Variants in MGST1 observed in about 807,000 individuals in gnomAD.
MGST1 encodes glutathione S-transferase 12.
A neutral mutation model predicts 8.9 loss-of-function variants in MGST1; 5 were observed. That is an observed-to-expected ratio of 0.56 (90% CI 0.29 to 1.19). MGST1 has a LOEUF of 1.19. Among genes scored for constraint, MGST1 ranks in the 50% most tolerant of loss-of-function variants. The probability of loss-of-function intolerance (pLI) is 0.08; values close to 1 mark genes in which losing one functional copy is unlikely to be tolerated. For synonymous variants in MGST1, 54 were observed against 67.8 expected, an observed-to-expected ratio of 0.80 and a Z score of 1.00; for missense variants, 182 against 187.4, an observed-to-expected ratio of 0.97 and a Z score of 0.17.
chr12:16,485,052 A>G (rs1421337120), intron 4 of MGST1, among the ~76,000 whole-genome samples: 1 of 152,190 alleles, frequency 6.6e-6, no homozygotes, highest in Non-Finnish European at 1.5e-5. Flanking sequence ...TGCAGAACTC[A>G]ATCCCATAGT....
At chr12:16,422,572 A>G (rs1461975827) in intron 1 of MGST1, among the ~76,000 whole-genome samples, 1 of 152,114 alleles carries the variant, frequency 6.6e-6, no homozygotes, top group African/African-American at 2.4e-5. Flanking sequence ...CCTGCTTGCA[A>G]TGTACTTGTT....
chr12:16,423,797 A>G lies in MGST1; in HGVS notation n.779-13591A>G, dbSNP rs146506610. Among the ~76,000 whole-genome samples, 480 of 152,274 alleles carry G rather than the reference A, an allele frequency of 3.2e-3. 1 individual carries two copies. The highest frequency in any genetic ancestry group is 0.011 in the African/African-American group (462 of 41,550). On this transcript the variant is annotated intron_variant and non_coding_transcript_variant, in intron 1 of 1. Transcript: ENST00000359720. The stretch of plus-strand genomic sequence containing the variant: ...ACCAGATCTAAGGTAAGTCAATTCT[A>G]TGCTCCCTCAATTCACAGAAAGTTG...
intron 4 of MGST1, among the ~76,000 whole-genome samples, chr12:16,524,508 A>G (rs1941669907): frequency 1.3e-5 from 2 of 152,216 alleles, no homozygotes; most frequent in Admixed American, 6.5e-5. Context: ...ATGTCTATAA[A>G]GAGAAGTTCC....
At chr12:16,580,088 G>T (rs1469784511) in intron 4 of MGST1, among the ~76,000 whole-genome samples, 3 of 152,102 alleles carry the variant, frequency 2.0e-5, no homozygotes, top group Non-Finnish European at 4.4e-5. Flanking sequence ...TATACAATAT[G>T]ATATCATTTA....
At chr12:16,431,669 T>A (rs1385597458) in intron 1 of MGST1, among the ~76,000 whole-genome samples, 2 of 152,074 alleles carry the variant, frequency 1.3e-5, no homozygotes, top group Non-Finnish European at 2.9e-5. Context: ...TAATCACAGA[T>A]CACAGCAGAT....
intron 4 of MGST1, among the ~76,000 whole-genome samples, chr12:16,569,609 GA>G (rs1435641612): frequency 6.6e-6 from 1 of 152,136 alleles, no homozygotes; most frequent in Non-Finnish European, 1.5e-5. Flanking sequence ...CTTAACATTT[GA>G]TGAGAAAAAT....
At chr12:16,487,252 C>T (rs1230221088) in intron 4 of MGST1, among the ~76,000 whole-genome samples, 1 of 152,102 alleles carries the variant, frequency 6.6e-6, no homozygotes. Context: ...TAAAAGAAAT[C>T]CCATTAGGTT....
In MGST1 at chr12:16,362,977, A is replaced by G. The variant is rs914452359; in HGVS notation, c.222-818A>G. On this transcript the variant is annotated intron_variant, in intron 3 of 3. Transcript: ENST00000396210. This position sits in a 1 kb window ranked among gnomAD's most constrained non-coding sequence, Gnocchi z 4.4. The stretch of plus-strand genomic sequence containing the variant: ...GACAACAATAATAATAAAAATGTCA[A>G]GTCCATAGTAGATGTGTTTTGTATT... 1 of 152,162 alleles carries G rather than the reference A, an allele frequency of 6.6e-6. No homozygotes were observed. Among genetic ancestry groups the G allele is most frequent in the South Asian group, 2.1e-4 (1 of 4,822 alleles). The allele number at this position is 152,162 out of a possible 1,614,324, so 9.4% of individuals were successfully genotyped here.
intron 4 of MGST1, among the ~76,000 whole-genome samples, chr12:16,518,096 A>C (rs552655759): frequency 1.8e-4 from 27 of 152,274 alleles, no homozygotes; most frequent in African/African-American, 5.5e-4. Flanking sequence ...GGTCATTCTT[A>C]TGCTTAATTT....
At chr12:16,511,937 A>AGG (rs529607646) in intron 4 of MGST1, among the ~76,000 whole-genome samples, 60 of 152,298 alleles carry the variant, frequency 3.9e-4, no homozygotes, top group Non-Finnish European at 6.5e-4. Context: ...TCAGGGCAAA[A>AGG]GGTATTTAAC....
Position 16,576,588 on chromosome 12 carries a change from C to T in MGST1, n.483-12940C>T, listed in dbSNP as rs1943002511. ...TTTCAGAATCTGTATCAGTTACGTA[C>T]CTGTTTGTCTCTTTCTCACTACATA... is the stretch of plus-strand genomic sequence containing the variant. On this transcript the variant is annotated intron_variant and non_coding_transcript_variant, in intron 4 of 4. Transcript: ENST00000538857. This position sits in a 1 kb window ranked among gnomAD's most constrained non-coding sequence, Gnocchi z 4.1. Among the ~76,000 whole-genome samples the T allele has an allele frequency of 6.6e-6, 1 of 152,166 alleles. No homozygotes were observed. The highest frequency in any genetic ancestry group is 2.4e-5 in the African/African-American group (1 of 41,446).
chr12:16,552,919 T>C (rs1776265049), intron 4 of MGST1, among the ~76,000 whole-genome samples: 1 of 149,844 alleles, frequency 6.7e-6, no homozygotes, highest in Non-Finnish European at 1.5e-5. Flanking sequence ...AGAGGTATAC[T>C]GCAACCAGTA....
intron 4 of MGST1, among the ~76,000 whole-genome samples, chr12:16,567,197 AAAACAAACAAACAAAC>A (rs145977478): frequency 4.8e-4 from 72 of 151,448 alleles, no homozygotes; most frequent in African/African-American, 1.7e-3. Flanking sequence ...ACTCCACCTC[AAAACAAACAAACAAAC>A]AAACAAACAA....
In MGST1 at chr12:16,546,534, A is replaced by T. The variant is rs551600778; in HGVS notation, n.483-42994A>T. On this transcript the variant is annotated intron_variant and non_coding_transcript_variant, in intron 4 of 4. Coordinates refer to the MGST1 transcript ENST00000538857. This position sits in a 1 kb window ranked among gnomAD's most constrained non-coding sequence, Gnocchi z 4.7. Reference sequence around the variant, plus strand: ...TCTTTATAATTTTGTGCATTACGTGATCTGCACGCCCAAAACAGGAGTATC... The same window carrying T: ...TCTTTATAATTTTGTGCATTACGTGTTCTGCACGCCCAAAACAGGAGTATC... Among the ~76,000 whole-genome samples, 20 of 152,278 alleles carry T rather than the reference A, an allele frequency of 1.3e-4. No homozygotes were observed. In the South Asian group the frequency reaches 4.1e-3, roughly 32 times the overall value.
At chr12:16,479,535 C>CTTTTTT (rs71054820) in intron 4 of MGST1, among the ~76,000 whole-genome samples, 3,058 of 113,014 alleles carry the variant, frequency 0.027, 267 homozygotes, top group African/African-American at 0.082. Flanking sequence ...CGCCCGGCCT[C>CTTTTTT]TTTTTTTTTT....
In MGST1 at chr12:16,497,050, G is replaced by A. The variant is rs766663758; in HGVS notation, n.483-92478G>A. 6.6e-5 allele frequency among the ~76,000 whole-genome samples: 10 copies of A among 152,120 alleles called. No individual in the cohort carries two copies. Among genetic ancestry groups the A allele is most frequent in the Non-Finnish European group, 1.0e-4 (7 of 67,998 alleles). ...ATAGAAAGGGAATAACTTAGATGCT[G>A]TTATCTAAGAATAAGCTTTGTCTTC... is the stretch of plus-strand genomic sequence containing the variant. On this transcript the variant is annotated intron_variant and non_coding_transcript_variant, in intron 4 of 4. Transcript: ENST00000538857. This position sits in a 1 kb window ranked among gnomAD's most constrained non-coding sequence, Gnocchi z 4.4.
intron 4 of MGST1, among the ~76,000 whole-genome samples, chr12:16,533,183 AAGAC>A (rs1431715380): frequency 2.6e-5 from 4 of 152,180 alleles, no homozygotes; most frequent in Non-Finnish European, 4.4e-5. Flanking sequence ...TGGCATGTAA[AAGAC>A]AGAGGACTCT....
chr12:16,535,805 A>G (rs890991157), intron 4 of MGST1, among the ~76,000 whole-genome samples: 2 of 152,204 alleles, frequency 1.3e-5, no homozygotes, highest in African/African-American at 4.8e-5. Context: ...AAGATTATAT[A>G]AATTTTGGAA....
chr12:16,414,663 C>T (rs571637522), intron 1 of MGST1, among the ~76,000 whole-genome samples: 1 of 152,066 alleles, frequency 6.6e-6, no homozygotes, highest in Non-Finnish European at 1.5e-5. Flanking sequence ...GATCCACCCA[C>T]CTTGGCCTCC....
Sources: gnomAD v4.1 joint callset for allele counts (sites outside exome capture counted in the v4.1 genomes callset) on GRCh38, gnomAD v4.1.1 for gene constraint, Gnocchi (gnomAD v3.1) non-coding constraint, MANE v1.5 for transcripts, NCBI Gene and HGNC (gene_info 2026-07-23, HGNC 2026-07-21) for gene names.